The following CD244 variants were observed in gnomAD, a reference collection of about 807,000 sequenced individuals.
CD244 encodes natural killer cell receptor 2B4.
In CD244, 20 loss-of-function variants were observed where a neutral mutation model predicts 45.5. That is an observed-to-expected ratio of 0.44 (90% CI 0.31 to 0.64). The LOEUF is 0.64. Among genes scored for constraint, CD244 ranks in the 30% least tolerant of loss-of-function variants. CD244 has a pLI of 0.08. For missense variants in CD244, 407 were observed against 426.9 expected, an observed-to-expected ratio of 0.95 and a Z score of 0.41; for synonymous variants, 185 against 160.5, an observed-to-expected ratio of 1.15 and a Z score of -1.15.
intron 7 of CD244, chr1:160,832,819 T>C (rs1669172565): frequency 1.6e-6 from 1 of 613,376 alleles, no homozygotes; most frequent in Non-Finnish European, 2.8e-6. Flanking sequence ...CAGAATTTGC[T>C]GTTCCATACC....
At chr1:160,854,155 G>T (rs181976895) in intron 1 of CD244, among the ~76,000 whole-genome samples, 156 of 152,236 alleles carry the variant, frequency 1.0e-3, no homozygotes, top group Non-Finnish European at 1.4e-3. Flanking sequence ...GGTGTTTAGT[G>T]GTGGTTTCAC....
intron 1 of CD244, among the ~76,000 whole-genome samples, chr1:160,857,405 G>C (rs1670148039): frequency 6.6e-6 from 1 of 152,140 alleles, no homozygotes. Context: ...ATCAATAATA[G>C]AAAAGGTGAA....
chr1:160,855,522 ACC>A (rs1670074395), intron 1 of CD244, among the ~76,000 whole-genome samples: 1 of 152,150 alleles, frequency 6.6e-6, no homozygotes, highest in African/African-American at 2.4e-5. Context: ...ATACAGAAAG[ACC>A]TCAGTTTCTG....
At chr1:160,861,768 CAG>C (rs1670315435) in intron 1 of CD244, among the ~76,000 whole-genome samples, 1 of 152,102 alleles carries the variant, frequency 6.6e-6, no homozygotes, top group African/African-American at 2.4e-5. Flanking sequence ...ACCCGGGAGG[CAG>C]AGTTTGTAGT....
intron 6 of CD244, among the ~76,000 whole-genome samples, chr1:160,835,536 C>T (rs778062085): frequency 1.3e-4 from 20 of 152,194 alleles, no homozygotes; most frequent in Admixed American, 3.3e-4. Context: ...CACTTGAGGC[C>T]GGGAATTCAA....
chr1:160,845,787 T>C (rs1403331377), intron 1 of CD244, among the ~76,000 whole-genome samples: 1 of 146,578 alleles, frequency 6.8e-6, no homozygotes, highest in Non-Finnish European at 1.5e-5. Flanking sequence ...ATCCAGGAGG[T>C]GGAGGTTGCA....
rs536766486 is a variant in CD244, at chr1:160,853,005, A to G, written c.61+9612T>C. 3.9e-5 allele frequency among the ~76,000 whole-genome samples: 6 copies of G among 152,272 alleles called. No individual in the cohort carries two copies. The South Asian group carries it at 1.2e-3, about 32-fold the overall frequency. Reference sequence around the variant, plus strand: ...GCCATTGCACTCCAGCCTGGGCAACAAGAGTGAAACTCCGTCTCAAAAAAA... The same window carrying G: ...GCCATTGCACTCCAGCCTGGGCAACGAGAGTGAAACTCCGTCTCAAAAAAA... On this transcript the variant is annotated intron_variant, in intron 1 of 8. Coordinates refer to ENST00000368034, the MANE Select transcript of CD244 (RefSeq NM_016382.4).
At chr1:160,831,851 G>A (rs936715148) in intron 8 of CD244, among the ~76,000 whole-genome samples, 1 of 152,302 alleles carries the variant, frequency 6.6e-6, no homozygotes, top group Admixed American at 6.5e-5. Context: ...TGGGTAGTGG[G>A]GGAGGTTGGG....
At chr1:160,844,770 T>C (rs1669672457) in intron 1 of CD244, among the ~76,000 whole-genome samples, 1 of 151,976 alleles carries the variant, frequency 6.6e-6, no homozygotes, top group African/African-American at 2.4e-5. Context: ...AGGTCGGGAG[T>C]TCGAGACCAC....
intron 1 of CD244, among the ~76,000 whole-genome samples, chr1:160,850,746 G>A (rs956996522): frequency 6.6e-6 from 1 of 152,168 alleles, no homozygotes; most frequent in African/African-American, 2.4e-5. Context: ...AACGTGTGGG[G>A]AGTTTCCCAC....
intron 1 of CD244, among the ~76,000 whole-genome samples, chr1:160,856,963 G>A (rs1418398305): frequency 1.3e-5 from 2 of 152,106 alleles, no homozygotes; most frequent in Non-Finnish European, 2.9e-5. Context: ...AAATTCAAAC[G>A]TCACAACAGC....
At chr1:160,856,918 A>C (rs1350938371) in intron 1 of CD244, among the ~76,000 whole-genome samples, 1 of 152,240 alleles carries the variant, frequency 6.6e-6, no homozygotes, top group Non-Finnish European at 1.5e-5. Context: ...GCAAACTATG[A>C]ATCCTACAGG....
At chr1:160,850,771 A>G (rs976260294) in intron 1 of CD244, among the ~76,000 whole-genome samples, 1 of 152,138 alleles carries the variant, frequency 6.6e-6, no homozygotes. Context: ...CAAGCAAGCA[A>G]TCAGCTCTTC....
chr1:160,844,217 G>A (rs564323734), intron 1 of CD244, among the ~76,000 whole-genome samples: 1 of 152,284 alleles, frequency 6.6e-6, no homozygotes, highest in East Asian at 1.9e-4. Flanking sequence ...CCAAAGTGAA[G>A]TATAAGAAAA....
chr1:160,836,286 G>C (rs748728961), intron 5 of CD244, 32 bp from the exon 6 acceptor site: 2 of 1,565,568 alleles, frequency 1.3e-6, no homozygotes, highest in Middle Eastern at 1.7e-4. Context: ...GGTAACATGA[G>C]CGACAGTTCG....
intron 1 of CD244, chr1:160,848,056 C>T (rs1669795392): frequency 5.5e-6 from 2 of 360,690 alleles, no homozygotes; most frequent in South Asian, 2.2e-5. Context: ...ACCATGAACC[C>T]TTGGACCGTG....
chr1:160,852,105 A>T (rs1669937906), intron 1 of CD244, among the ~76,000 whole-genome samples: 1 of 152,240 alleles, frequency 6.6e-6, no homozygotes, highest in Admixed American at 6.5e-5. Flanking sequence ...TAATACACTG[A>T]TGACAATAAT....
chr1:160,849,231 T>C (rs1669835889), intron 1 of CD244, among the ~76,000 whole-genome samples: 1 of 151,986 alleles, frequency 6.6e-6, no homozygotes, highest in African/African-American at 2.4e-5. Flanking sequence ...AAAAACATGG[T>C]TGGAGAGGTT....
At chr1:160,852,895 C>T (rs1004536128) in intron 1 of CD244, among the ~76,000 whole-genome samples, 4 of 151,966 alleles carry the variant, frequency 2.6e-5, no homozygotes, top group Non-Finnish European at 5.9e-5. Flanking sequence ...TGGCAGTGCA[C>T]ACCTGTAATC....
Sources: gnomAD v4.1 joint callset for allele counts (sites outside exome capture counted in the v4.1 genomes callset) on GRCh38, gnomAD v4.1.1 for gene constraint, MANE v1.5 for transcripts, NCBI Gene and HGNC (gene_info 2026-07-23, HGNC 2026-07-21) for gene names.